CNTN4: variants seen among roughly 807,000 people sequenced by gnomAD.
CNTN4 encodes contactin 4.
CNTN4 carries 77 observed loss-of-function variants against 122.5 expected under a neutral mutation model. The observed-to-expected ratio is 0.63, with a 90% CI of 0.52 to 0.76. CNTN4 has a LOEUF of 0.76. Ranked by LOEUF, CNTN4 falls within the 30% of genes least tolerant of loss-of-function variation. CNTN4 has a pLI of 0.00. For missense variants in CNTN4, 1,256 were observed against 1,259.1 expected (o/e 1.00, Z 0.04); for synonymous variants, 512 against 447.0 (o/e 1.15, Z -1.83).
At chr3:2,179,059 T>G in intron 2 of CNTN4, among the ~76,000 whole-genome samples, 1 of 152,044 alleles carries the variant, frequency 6.6e-6, no homozygotes, top group East Asian at 1.9e-4. Flanking sequence ...AATGTGCTCA[T>G]ACTCCGAGGT....
At chr3:2,605,257 A>G (rs1263018428) in intron 4 of CNTN4, among the ~76,000 whole-genome samples, 1 of 152,228 alleles carries the variant, frequency 6.6e-6, no homozygotes, top group African/African-American at 2.4e-5. Flanking sequence ...AGTTGGGATT[A>G]CAGGCGTGAG....
At chr3:2,791,621 T>C (rs931334238) in intron 6 of CNTN4, among the ~76,000 whole-genome samples, 1 of 152,116 alleles carries the variant, frequency 6.6e-6, no homozygotes, top group Non-Finnish European at 1.5e-5. Context: ...GCAAACCTGA[T>C]GCCTGATGTA....
At chr3:2,646,636 C>T (rs1267938052) in intron 4 of CNTN4, among the ~76,000 whole-genome samples, 1 of 152,096 alleles carries the variant, frequency 6.6e-6, no homozygotes, top group African/African-American at 2.4e-5. Context: ...TTAGGACTAC[C>T]TTAACAAAGT....
intron 2 of CNTN4, among the ~76,000 whole-genome samples, chr3:2,124,433 AACACACACACACACAC>A (rs60760373): frequency 8.1e-6 from 1 of 123,816 alleles, no homozygotes; most frequent in Non-Finnish European, 1.7e-5. Flanking sequence ...ATTTATTTAA[AACACACACACACACAC>A]ACACACACAC....
At chr3:2,884,193 C>G (rs1366009321) in intron 9 of CNTN4, among the ~76,000 whole-genome samples, 1 of 152,094 alleles carries the variant, frequency 6.6e-6, no homozygotes, top group Non-Finnish European at 1.5e-5. Flanking sequence ...CCCACCTTTG[C>G]TCGTCTAAGT....
intron 2 of CNTN4, among the ~76,000 whole-genome samples, chr3:2,331,601 G>A (rs147541122): frequency 9.4e-4 from 143 of 152,218 alleles, no homozygotes; most frequent in African/African-American, 3.4e-3. Flanking sequence ...AATAAATGAC[G>A]CATACCCTGA....
intron 7 of CNTN4, among the ~76,000 whole-genome samples, chr3:2,853,270 A>C (rs1165024683): frequency 6.6e-6 from 1 of 151,816 alleles, no homozygotes; most frequent in Non-Finnish European, 1.5e-5. Context: ...TTTGAGACGG[A>C]GTCTCACTCT....
intron 2 of CNTN4, among the ~76,000 whole-genome samples, chr3:2,328,541 G>A (rs1323092128): frequency 6.6e-6 from 1 of 152,072 alleles, no homozygotes; most frequent in African/African-American, 2.4e-5. Context: ...TGTTGTAGGG[G>A]CTTTAGCCAT....
Position 2,485,211 on chromosome 3 carries a change from C to T in CNTN4, c.-88-86205C>T, listed in dbSNP as rs181332304. ...CTCCCCCTGTGGCTGTGGGCTCCAG[C>T]GCGGCCGGAGCCTCCGCAGACAGCA... On this transcript the variant is annotated intron_variant, in intron 3 of 24. Transcript: ENST00000418658. Among the ~76,000 whole-genome samples the T allele has an allele frequency of 5.8e-4, 88 of 152,334 alleles. 1 individual carries two copies. The East Asian group carries it at 0.012, about 20-fold the overall frequency.
At chr3:2,889,284 A>T (rs1207933622) in intron 10 of CNTN4, among the ~76,000 whole-genome samples, 4 of 152,180 alleles carry the variant, frequency 2.6e-5, no homozygotes, top group Non-Finnish European at 4.4e-5. Context: ...ACTTCACTTG[A>T]TGAGCTGGGC....
intron 2 of CNTN4, among the ~76,000 whole-genome samples, chr3:2,114,255 C>G (rs2033179732): frequency 6.6e-6 from 1 of 151,856 alleles, no homozygotes; most frequent in Non-Finnish European, 1.5e-5. Context: ...GAGTTTGAGA[C>G]CAGCCTGGTC....
In CNTN4 at chr3:2,925,773, A is replaced by G. The variant is rs750903432; in HGVS notation, c.1352A>G (p.Asn451Ser). ...WKKGRDILKE[N>S]ERITISEDGN... ...AAAGGAAGGGATATATTAAAAGAAA[A>G]TGAAAGGTACTGTCTTGAATTATTT... Residue 451 changes from asparagine to serine, a missense_variant, in exon 13 of 25, where the codon AAT becomes AGT. Physicochemically the swap from Asn to Ser is conservative, Grantham distance 46. Transcript: ENST00000418658. The G allele has an allele frequency of 1.2e-6, 2 of 1,612,728 alleles. No homozygotes were observed. The highest frequency in any genetic ancestry group is 4.5e-5 in the East Asian group (2 of 44,848).
At chr3:2,105,971 A>G (rs1324430196) in intron 2 of CNTN4, among the ~76,000 whole-genome samples, 2 of 152,242 alleles carry the variant, frequency 1.3e-5, no homozygotes, top group Non-Finnish European at 2.9e-5. Flanking sequence ...AATTGGCCAA[A>G]ACAAAGGGGC....
At chr3:2,465,025 A>G (rs1284943198) in intron 3 of CNTN4, among the ~76,000 whole-genome samples, 3 of 152,242 alleles carry the variant, frequency 2.0e-5, no homozygotes, top group Non-Finnish European at 4.4e-5. Flanking sequence ...GAATGATGAA[A>G]AAGGTCTGAA....
intron 7 of CNTN4, among the ~76,000 whole-genome samples, chr3:2,847,201 A>G (rs2093470619): frequency 6.6e-6 from 1 of 150,858 alleles, no homozygotes; most frequent in South Asian, 2.1e-4. Context: ...AGTTTTTTCT[A>G]ATAGCTAAAC....
chr3:2,482,429 T>C (rs1474031079), intron 3 of CNTN4, among the ~76,000 whole-genome samples: 2 of 149,516 alleles, frequency 1.3e-5, no homozygotes, highest in African/African-American at 2.5e-5. Flanking sequence ...GATGATGTGA[T>C]AGAAAAAAAA....
At chr3:2,863,252 G>A (rs1267052347) in intron 7 of CNTN4, among the ~76,000 whole-genome samples, 1 of 152,092 alleles carries the variant, frequency 6.6e-6, no homozygotes, top group African/African-American at 2.4e-5. Flanking sequence ...ATATCTTGGT[G>A]AGAGATTTCC....
chr3:2,692,611 C>T (rs1168744327), intron 4 of CNTN4, among the ~76,000 whole-genome samples: 1 of 152,128 alleles, frequency 6.6e-6, no homozygotes, highest in Non-Finnish European at 1.5e-5. Flanking sequence ...ATGAACAGCT[C>T]TCTTTCTTAA....
intron 2 of CNTN4, among the ~76,000 whole-genome samples, chr3:2,163,233 A>G (rs985125729): frequency 2.6e-5 from 4 of 152,254 alleles, no homozygotes; most frequent in Non-Finnish European, 4.4e-5. Context: ...AACAAAGCAT[A>G]CAAAAGCATA....
Sources: allele counts gnomAD v4.1 joint callset (sites outside exome capture counted in the v4.1 genomes callset), GRCh38; gene constraint gnomAD v4.1.1; transcripts MANE v1.5; gene names NCBI Gene and HGNC (gene_info 2026-07-23, HGNC 2026-07-21).